ALDH9A1: variants seen among roughly 807,000 people sequenced by gnomAD.
ALDH9A1 encodes the protein 4-trimethylaminobutyraldehyde dehydrogenase.
Under a neutral mutation model 56.6 loss-of-function variants are expected in ALDH9A1, and 42 were observed. The observed-to-expected ratio is 0.74, with a 90% CI of 0.58 to 0.96. The LOEUF (loss-of-function observed/expected upper bound fraction) is 0.96. Ranked by LOEUF, ALDH9A1 falls within the 40% of genes least tolerant of loss-of-function variation. The pLI is 0.00. For missense variants in ALDH9A1, 661 were observed against 651.5 expected, an observed-to-expected ratio of 1.01 and a Z score of -0.16; for synonymous variants, 242 against 236.0, an observed-to-expected ratio of 1.03 and a Z score of -0.23.
Position 165,669,029 on chromosome 1 carries a change from A to G in ALDH9A1, c.1120-16T>C. 6.4e-7 allele frequency: 1 copy of G among 1,570,302 alleles called. No individual in the cohort carries two copies. The highest frequency in any genetic ancestry group is 8.6e-7 in the Non-Finnish European group (1 of 1,156,858). The stretch of plus-strand genomic sequence containing the variant: ...CTTTAGCACCCTGCCGAAAAGGAAA[A>G]AAGATATGTTGTATTAAAAATATAA... On this transcript the variant is annotated splice_polypyrimidine_tract_variant and intron_variant, in intron 7 of 10. Coordinates refer to ENST00000354775, the MANE Select transcript of ALDH9A1 (RefSeq NM_000696.4).
chr1:165,670,296 G>C (rs529195498), intron 6 of ALDH9A1, among the ~76,000 whole-genome samples: 12 of 152,136 alleles, frequency 7.9e-5, no homozygotes, highest in African/African-American at 2.9e-4. Context: ...AGTTGGGTGT[G>C]GTGACACGCA....
chr1:165,678,191 G>A (rs1056117083), intron 6 of ALDH9A1, among the ~76,000 whole-genome samples: 4 of 151,754 alleles, frequency 2.6e-5, no homozygotes, highest in Admixed American at 1.3e-4. Context: ...AAAATTAGCT[G>A]GGCATGGTGG....
chr1:165,689,833 C>A (rs1649828568), intron 2 of ALDH9A1, among the ~76,000 whole-genome samples: 1 of 151,740 alleles, frequency 6.6e-6, no homozygotes, highest in Non-Finnish European at 1.5e-5. Context: ...ATTCAGGAGT[C>A]TGAGGCAGGA....
intron 10 of ALDH9A1, 74 bp downstream of exon 10, chr1:165,664,944 T>C (rs1452148260): frequency 5.1e-6 from 6 of 1,173,314 alleles, no homozygotes; most frequent in Non-Finnish European, 6.4e-6. Flanking sequence ...GGTTTAGGAA[T>C]ACTGGTTTAT....
chr1:165,679,960 C>T (rs944292437), intron 5 of ALDH9A1, among the ~76,000 whole-genome samples: 3 of 152,034 alleles, frequency 2.0e-5, no homozygotes, highest in Non-Finnish European at 4.4e-5. Context: ...CTGCAGTAAG[C>T]TGTGACTACA....
Position 165,669,237 on chromosome 1 carries a change from C to T in ALDH9A1, c.1119+25G>A, listed in dbSNP as rs762598941. 4.4e-6 allele frequency: 7 copies of T among 1,577,698 alleles called. 1 individual carries two copies. The highest frequency in any genetic ancestry group is 3.5e-5 in the South Asian group (3 of 84,718). On this transcript the variant is annotated intron_variant, in intron 7 of 10. Transcript: ENST00000354775. Reference sequence around the variant, plus strand: ...GGAGTAGTATAATCTTCCCCAACCCCACCCTACTGCCAATTATTTCTTACC... The same window carrying T: ...GGAGTAGTATAATCTTCCCCAACCCTACCCTACTGCCAATTATTTCTTACC...
chr1:165,676,715 C>T, intron 6 of ALDH9A1: 2 of 492,880 alleles, frequency 4.1e-6, no homozygotes, highest in South Asian at 3.3e-5. Context: ...CCCAGGGAAT[C>T]CCACTGTGTG....
At chr1:165,696,353 G>C (rs1254281398) in intron 1 of ALDH9A1, among the ~76,000 whole-genome samples, 1 of 152,110 alleles carries the variant, frequency 6.6e-6, no homozygotes, top group Non-Finnish European at 1.5e-5. Flanking sequence ...ATTAACTTCT[G>C]ATTAAGTTTT....
chr1:165,671,282 G>A (rs1649170977), intron 6 of ALDH9A1: 1 of 267,936 alleles, frequency 3.7e-6, no homozygotes, highest in African/African-American at 2.3e-5. Flanking sequence ...CTTCTGGGAA[G>A]GGTCTGTCTC....
chr1:165,679,643 A>T, intron 5 of ALDH9A1, 61 bp from the exon 6 acceptor site: 1 of 1,574,118 alleles, frequency 6.4e-7, no homozygotes, highest in Non-Finnish European at 8.7e-7. Context: ...ATGCTAAGTC[A>T]ACTAGGCCCT....
At chr1:165,693,832 T>C (rs1381750356) in intron 2 of ALDH9A1, among the ~76,000 whole-genome samples, 1 of 152,108 alleles carries the variant, frequency 6.6e-6, no homozygotes, top group Non-Finnish European at 1.5e-5. Context: ...CCATCAATGA[T>C]AGACTGGATT....
intron 6 of ALDH9A1, chr1:165,676,541 A>AT (rs1425376165): frequency 1.1e-5 from 3 of 281,952 alleles, no homozygotes; most frequent in Middle Eastern, 1.2e-3. Flanking sequence ...CTGTAAACAA[A>AT]TTAAGGGCAA....
chr1:165,687,475 G>C (rs935894130), intron 2 of ALDH9A1, among the ~76,000 whole-genome samples: 4 of 151,970 alleles, frequency 2.6e-5, no homozygotes, highest in Non-Finnish European at 5.9e-5. Flanking sequence ...AGCCAGGGGT[G>C]GGGGGTAGAG....
At chr1:165,673,947 G>T (rs1307743291) in intron 6 of ALDH9A1, among the ~76,000 whole-genome samples, 1 of 152,114 alleles carries the variant, frequency 6.6e-6, no homozygotes, top group Admixed American at 6.5e-5. Flanking sequence ...TAGGAGATCA[G>T]CACAAGATAC....
At chr1:165,697,358 A>G (rs985664137) in intron 1 of ALDH9A1, among the ~76,000 whole-genome samples, 2 of 152,286 alleles carry the variant, frequency 1.3e-5, no homozygotes, top group African/African-American at 4.8e-5. Flanking sequence ...AAAAAAAGCC[A>G]TTAACTATGC....
chr1:165,695,672 T>A (rs1403982247), intron 1 of ALDH9A1, among the ~76,000 whole-genome samples: 1 of 151,374 alleles, frequency 6.6e-6, no homozygotes, highest in African/African-American at 2.4e-5. Flanking sequence ...ATTTTTTGTA[T>A]TTTTTAGTAG....
intron 6 of ALDH9A1, among the ~76,000 whole-genome samples, chr1:165,674,105 C>T (rs1310147925): frequency 6.6e-6 from 1 of 151,852 alleles, no homozygotes; most frequent in Non-Finnish European, 1.5e-5. Context: ...AAAAGACATA[C>T]CCATCAGCAC....
At chr1:165,670,775 A>G (rs1410727503) in intron 6 of ALDH9A1, among the ~76,000 whole-genome samples, 1 of 152,226 alleles carries the variant, frequency 6.6e-6, no homozygotes, top group African/African-American at 2.4e-5. Context: ...AATGTCATTC[A>G]TAATTGTAAA....
intron 4 of ALDH9A1, 65 bp from the exon 5 acceptor site, chr1:165,680,748 A>G: frequency 7.1e-7 from 1 of 1,417,486 alleles, no homozygotes; most frequent in Non-Finnish European, 9.6e-7. Context: ...TGAAAACAGG[A>G]CTAGAGGACA....
Sources: allele counts gnomAD v4.1 joint callset (sites outside exome capture counted in the v4.1 genomes callset), GRCh38; gene constraint gnomAD v4.1.1; transcripts MANE v1.5; gene names NCBI Gene and HGNC (gene_info 2026-07-23, HGNC 2026-07-21).